The following PDZD2 variants were observed in gnomAD, a reference collection of about 807,000 sequenced individuals.
PDZD2 encodes the protein PDZ domain containing 2, also known as PDZ domain-containing protein 2.
In PDZD2, 90 loss-of-function variants were observed where a neutral mutation model predicts 220.7. That is an observed-to-expected ratio of 0.41 (90% CI 0.34 to 0.49). The LOEUF (loss-of-function observed/expected upper bound fraction) is 0.49. Among genes scored for constraint, PDZD2 ranks in the 20% least tolerant of loss-of-function variants. PDZD2 has a pLI of 0.28. For missense variants in PDZD2, 3,174 were observed against 3,608.5 expected (o/e 0.88, Z 3.08); for synonymous variants, 1,375 against 1,450.5 (o/e 0.95, Z 1.18).
At chr5:31,928,725 A>G (rs750304011) in intron 2 of PDZD2, among the ~76,000 whole-genome samples, 54 of 152,094 alleles carry the variant, frequency 3.6e-4, no homozygotes, top group Non-Finnish European at 7.4e-4. Flanking sequence ...ATCCACCTCG[A>G]CTTCCCAAAG....
chr5:32,027,092 C>T (rs183581966), intron 6 of PDZD2, among the ~76,000 whole-genome samples: 36 of 152,098 alleles, frequency 2.4e-4, no homozygotes, highest in African/African-American at 6.7e-4. Flanking sequence ...TTAGTAGAGA[C>T]GGGGTTTCAC....
chr5:31,963,429 A>G lies in PDZD2; in HGVS notation c.477-19726A>G, dbSNP rs532992330. 1.7e-4 allele frequency among the ~76,000 whole-genome samples: 26 copies of G among 152,360 alleles called. No individual in the cohort carries two copies. In the South Asian group the frequency reaches 5.2e-3, roughly 30 times the overall value. On this transcript the variant is annotated intron_variant, in intron 2 of 24. Coordinates refer to ENST00000438447, the MANE Select transcript of PDZD2 (RefSeq NM_178140.4). ...AAGCAGCTTTTCTGACCGGTAGGCC[A>G]GAACAGGGTGGGTGCTGGGAGAGGC...
At chr5:31,749,104 T>A (rs1750775719) in intron 1 of PDZD2, among the ~76,000 whole-genome samples, 1 of 152,202 alleles carries the variant, frequency 6.6e-6, no homozygotes, top group South Asian at 2.1e-4. Context: ...GGCCTTAATT[T>A]GTATTCACTT....
chr5:32,024,703 A>AAAAAAAAAAAAGAAAG, intron 6 of PDZD2, among the ~76,000 whole-genome samples: 1 of 140,284 alleles, frequency 7.1e-6, no homozygotes, highest in Admixed American at 7.2e-5. Context: ...AGAAAGAAAA[A>AAAAAAAAAAAAGAAAG]AAAGAAAAGG....
At chr5:32,106,604 C>CAAACCCA (rs1744787000) in intron 24 of PDZD2, 1 of 152,164 alleles carries the variant, frequency 6.6e-6, no homozygotes, top group Admixed American at 6.5e-5. Flanking sequence ...GATTTGAGAC[C>CAAACCCA]AAACCCAGTC....
intron 1 of PDZD2, among the ~76,000 whole-genome samples, chr5:31,687,560 A>C (rs440268): frequency 0.54 from 82,610 of 152,000 alleles, 22,731 homozygotes; most frequent in East Asian, 0.69. Context: ...GCTTCCATAT[A>C]TTTTGGTATC....
chr5:31,786,991 C>A (rs1324533951), intron 1 of PDZD2, among the ~76,000 whole-genome samples: 4 of 152,070 alleles, frequency 2.6e-5, no homozygotes, highest in African/African-American at 9.7e-5. Context: ...TAAAAAAAAT[C>A]ACTCTGGTGT....
chr5:31,769,758 G>A (rs1269695024), intron 1 of PDZD2, among the ~76,000 whole-genome samples: 1 of 152,216 alleles, frequency 6.6e-6, no homozygotes, highest in Non-Finnish European at 1.5e-5. Context: ...AGAGTCTAGA[G>A]TTACAGGACT....
intron 2 of PDZD2, among the ~76,000 whole-genome samples, chr5:31,879,260 G>A (rs1290400847): frequency 6.6e-6 from 1 of 152,006 alleles, no homozygotes; most frequent in South Asian, 2.1e-4. Context: ...GGTGGCGGGC[G>A]CCTGTAGTCC....
At chr5:31,996,054 T>C (rs1751601580) in intron 4 of PDZD2, among the ~76,000 whole-genome samples, 1 of 152,132 alleles carries the variant, frequency 6.6e-6, no homozygotes, top group Non-Finnish European at 1.5e-5. Flanking sequence ...TGCTGCTGAG[T>C]AGAACACCGC....
chr5:31,802,210 G>A (rs1325862802), intron 2 of PDZD2, among the ~76,000 whole-genome samples: 1 of 152,118 alleles, frequency 6.6e-6, no homozygotes, highest in Non-Finnish European at 1.5e-5. Context: ...TGTTGGGATG[G>A]TGGTATTGGG....
intron 6 of PDZD2, among the ~76,000 whole-genome samples, chr5:32,022,299 G>T (rs1754279868): frequency 6.7e-6 from 1 of 149,456 alleles, no homozygotes; most frequent in African/African-American, 2.5e-5. Context: ...CCGGGTTCAA[G>T]CAATTCTCCT....
At chr5:31,870,512 G>A (rs1291469260) in intron 2 of PDZD2, among the ~76,000 whole-genome samples, 2 of 152,156 alleles carry the variant, frequency 1.3e-5, no homozygotes, top group African/African-American at 4.8e-5. Flanking sequence ...AAAAAATCTA[G>A]TAATATCCCA....
chr5:32,103,063 T>G (rs1394282223), intron 24 of PDZD2, among the ~76,000 whole-genome samples: 1 of 151,764 alleles, frequency 6.6e-6, no homozygotes, highest in African/African-American at 2.4e-5. Flanking sequence ...AAATGCAGTA[T>G]AGGGAAATAA....
At chr5:32,044,743 G>A (rs1260652562) in intron 7 of PDZD2, among the ~76,000 whole-genome samples, 15 of 152,150 alleles carry the variant, frequency 9.9e-5, no homozygotes, top group Admixed American at 9.8e-4. Context: ...GGAAAGTTGG[G>A]TAAAACTTCA....
At chr5:32,026,306 T>A (rs1327806902) in intron 6 of PDZD2, among the ~76,000 whole-genome samples, 1 of 151,986 alleles carries the variant, frequency 6.6e-6, no homozygotes, top group Non-Finnish European at 1.5e-5. Flanking sequence ...CCAGCTAGAT[T>A]TTGTATTTTT....
chr5:32,070,304 A>G (rs184335527), intron 15 of PDZD2, among the ~76,000 whole-genome samples: 12 of 152,326 alleles, frequency 7.9e-5, no homozygotes, highest in African/African-American at 2.6e-4. Context: ...GTCAGAGGAA[A>G]AGGAAAGCAT....
At chr5:31,794,766 G>A (rs1196074292) in intron 1 of PDZD2, among the ~76,000 whole-genome samples, 1 of 152,092 alleles carries the variant, frequency 6.6e-6, no homozygotes, top group Non-Finnish European at 1.5e-5. Context: ...GTACATAGCA[G>A]GTGTTTACAA....
intron 6 of PDZD2, among the ~76,000 whole-genome samples, chr5:32,024,703 A>AAAAAAAAAAAAAAAAAAGAAAG (rs1561378496): frequency 7.1e-6 from 1 of 140,234 alleles, no homozygotes. Flanking sequence ...AGAAAGAAAA[A>AAAAAAAAAAAAAAAAAAGAAAG]AAAGAAAAGG....
Sources: allele counts gnomAD v4.1 joint callset (sites outside exome capture counted in the v4.1 genomes callset), GRCh38; gene constraint gnomAD v4.1.1; transcripts MANE v1.5; gene names NCBI Gene and HGNC (gene_info 2026-07-23, HGNC 2026-07-21).